Variants in GPR158 observed in about 807,000 individuals in gnomAD.
GPR158 encodes G protein-coupled receptor 158.
In GPR158, 30 loss-of-function variants were observed where a neutral mutation model predicts 78.2. That is an observed-to-expected ratio of 0.38 (90% CI 0.29 to 0.52). The LOEUF is 0.52. Among genes scored for constraint, GPR158 ranks in the 20% least tolerant of loss-of-function variants. The probability of loss-of-function intolerance (pLI) is 0.83; values close to 1 mark genes in which losing one functional copy is unlikely to be tolerated. For missense variants in GPR158, 1,463 were observed against 1,523.5 expected (o/e 0.96, Z 0.66); for synonymous variants, 581 against 591.1 (o/e 0.98, Z 0.25).
intron 8 of GPR158, among the ~76,000 whole-genome samples, chr10:25,592,955 T>C (rs1837361277): frequency 6.9e-6 from 1 of 144,662 alleles, no homozygotes; most frequent in African/African-American, 2.6e-5. Flanking sequence ...GCGTCAAAAG[T>C]CTGTTTTCAC....
At chr10:25,202,091 G>A (rs1450905538) in intron 1 of GPR158, among the ~76,000 whole-genome samples, 2 of 152,074 alleles carry the variant, frequency 1.3e-5, no homozygotes, top group East Asian at 3.9e-4. Flanking sequence ...GAATTTGGCT[G>A]TGAATTTTTC....
chr10:25,413,068 C>G (rs563182069), intron 4 of GPR158, among the ~76,000 whole-genome samples: 1 of 152,264 alleles, frequency 6.6e-6, no homozygotes, highest in South Asian at 2.1e-4. Context: ...TGCCTGTAAT[C>G]TCAGCACATT....
chr10:25,477,900 C>T (rs923858015), intron 5 of GPR158, among the ~76,000 whole-genome samples: 2 of 152,056 alleles, frequency 1.3e-5, no homozygotes, highest in Admixed American at 1.3e-4. Context: ...GAATGGGATG[C>T]CAAGACACTT....
intron 2 of GPR158, among the ~76,000 whole-genome samples, chr10:25,392,485 CA>C (rs1834313613): frequency 1.3e-5 from 2 of 152,182 alleles, no homozygotes; most frequent in African/African-American, 4.8e-5. Flanking sequence ...TTCTGGCTGG[CA>C]AAATGACACT....
intron 2 of GPR158, among the ~76,000 whole-genome samples, chr10:25,298,795 TAA>T (rs1854551990): frequency 6.6e-6 from 1 of 152,200 alleles, no homozygotes; most frequent in Non-Finnish European, 1.5e-5. Flanking sequence ...CAGTTGAGCT[TAA>T]AAAGAATGCT....
intron 5 of GPR158, among the ~76,000 whole-genome samples, chr10:25,541,831 ATGT>A (rs1836589795): frequency 6.6e-6 from 1 of 151,436 alleles, no homozygotes; most frequent in South Asian, 2.1e-4. Flanking sequence ...AATTCTTCCC[ATGT>A]TGTTAGGATT....
At chr10:25,278,615 G>A (rs1223870163) in intron 2 of GPR158, among the ~76,000 whole-genome samples, 4 of 151,814 alleles carry the variant, frequency 2.6e-5, no homozygotes, top group African/African-American at 4.8e-5. Flanking sequence ...GAGATGTATT[G>A]TAAAAAATTG....
intron 5 of GPR158, among the ~76,000 whole-genome samples, chr10:25,474,699 G>A (rs1299309661): frequency 6.6e-6 from 1 of 152,118 alleles, no homozygotes; most frequent in Non-Finnish European, 1.5e-5. Flanking sequence ...TGCATCTGCA[G>A]CAATTAGCCC....
chr10:25,296,934 A>C (rs1854523568), intron 2 of GPR158, among the ~76,000 whole-genome samples: 2 of 152,202 alleles, frequency 1.3e-5, no homozygotes, highest in Admixed American at 1.3e-4. Flanking sequence ...TTTTCTAGGT[A>C]GTTTAATCAT....
rs146045468 is a variant in GPR158, at chr10:25,175,338, TCTGA to T, written c.-79_-76del. The T allele has an allele frequency of 9.1e-3, 7,485 of 820,480 alleles. 128 individuals are homozygous for T. Among genetic ancestry groups the T allele is most frequent in the African/African-American group, 0.036 (2,098 of 58,556 alleles). The allele number at this position is 820,480 out of a possible 1,614,324, so 50.8% of individuals were successfully genotyped here. ...GAAGGGGGAAGACTCCTCGAAAAAG[TCTGA>T]CTGTTGAGAAACTGACGATCCAAAT... On this transcript the variant is annotated 5_prime_UTR_variant, in exon 1 of 11. Transcript: ENST00000376351. The surrounding 1 kb of genome is among the most constrained non-coding windows in gnomAD (Gnocchi z 6.4).
At chr10:25,185,800 G>A (rs1476659041) in intron 1 of GPR158, among the ~76,000 whole-genome samples, 2 of 151,844 alleles carry the variant, frequency 1.3e-5, no homozygotes, top group African/African-American at 2.4e-5. Flanking sequence ...TTCAGCCTGG[G>A]CGACAGAGAA....
intron 4 of GPR158, among the ~76,000 whole-genome samples, chr10:25,422,850 A>ACCCCCCCCCCCCCCTTCCC (rs11424448): frequency 1.5e-5 from 2 of 130,270 alleles, no homozygotes; most frequent in Non-Finnish European, 3.2e-5. Context: ...TTATTCCCTT[A>ACCCCCCCCCCCCCCTTCCC]CCCCCCCCAC....
At chr10:25,177,881 GA>G (rs1852561216) in intron 1 of GPR158, among the ~76,000 whole-genome samples, 1 of 152,152 alleles carries the variant, frequency 6.6e-6, no homozygotes, top group South Asian at 2.1e-4. Flanking sequence ...CTACTTTCAA[GA>G]TAATCTCATT....
intron 2 of GPR158, among the ~76,000 whole-genome samples, chr10:25,381,902 C>T (rs1341396883): frequency 1.3e-5 from 2 of 152,116 alleles, no homozygotes; most frequent in Non-Finnish European, 2.9e-5. Flanking sequence ...TATAACAGGT[C>T]CAATTTTTGT....
intron 2 of GPR158, among the ~76,000 whole-genome samples, chr10:25,232,562 C>T (rs1853464063): frequency 6.6e-6 from 1 of 152,122 alleles, no homozygotes; most frequent in South Asian, 2.1e-4. Context: ...CCTTATTTCC[C>T]ACCTTCTTAT....
At chr10:25,322,608 C>T (rs1475144027) in intron 2 of GPR158, among the ~76,000 whole-genome samples, 1 of 152,140 alleles carries the variant, frequency 6.6e-6, no homozygotes, top group African/African-American at 2.4e-5. Context: ...TTATAATTTA[C>T]TTTGCCTAGA....
intron 2 of GPR158, among the ~76,000 whole-genome samples, chr10:25,313,984 C>G (rs1854807790): frequency 6.6e-6 from 1 of 152,110 alleles, no homozygotes; most frequent in African/African-American, 2.4e-5. Context: ...TTGGCAATTT[C>G]TTTAAAACTT....
chr10:25,431,283 G>T (rs1203823499), intron 4 of GPR158, among the ~76,000 whole-genome samples: 4 of 136,902 alleles, frequency 2.9e-5, no homozygotes, highest in African/African-American at 8.1e-5. Flanking sequence ...GGCCATCAGA[G>T]AAATGCAAAT....
intron 2 of GPR158, among the ~76,000 whole-genome samples, chr10:25,315,361 AT>A (rs1854832763): frequency 6.6e-6 from 1 of 152,112 alleles, no homozygotes; most frequent in Non-Finnish European, 1.5e-5. Flanking sequence ...TCTTAAAAAA[AT>A]CTTTGCTATG....
Sources: allele counts gnomAD v4.1 joint callset (sites outside exome capture counted in the v4.1 genomes callset), GRCh38; gene constraint gnomAD v4.1.1; non-coding constraint Gnocchi (gnomAD v3.1); transcripts MANE v1.5; gene names NCBI Gene and HGNC (gene_info 2026-07-23, HGNC 2026-07-21).